Variants in ATP1B3 observed in about 807,000 individuals in gnomAD.
ATP1B3 encodes the protein sodium/potassium-transporting ATPase subunit beta-3.
A neutral mutation model predicts 30.2 loss-of-function variants in ATP1B3; 10 were observed. That is an observed-to-expected ratio of 0.33 (90% CI 0.20 to 0.56). ATP1B3 has a LOEUF of 0.56. Among genes scored for constraint, ATP1B3 ranks in the 20% least tolerant of loss-of-function variants. The pLI is 0.90. For synonymous variants in ATP1B3, 113 were observed against 117.0 expected (o/e 0.97, Z 0.22); for missense variants, 238 against 336.7 (o/e 0.71, Z 2.29).
At chr3:141,900,374 AAC>A (rs894114824) in intron 1 of ATP1B3, among the ~76,000 whole-genome samples, 1 of 152,144 alleles carries the variant, frequency 6.6e-6, no homozygotes, top group Non-Finnish European at 1.5e-5. Context: ...CAGGTTAGGA[AAC>A]ACATGTGCTG....
chr3:141,900,763 T>C (rs1047497674), intron 1 of ATP1B3, among the ~76,000 whole-genome samples: 1 of 152,028 alleles, frequency 6.6e-6, no homozygotes, highest in Admixed American at 6.6e-5. Flanking sequence ...TTGCCAGGTT[T>C]CTTGCCTGTC....
chr3:141,889,198 C>T (rs111485595), intron 1 of ATP1B3, among the ~76,000 whole-genome samples: 3,370 of 152,176 alleles, frequency 0.022, 134 homozygotes, highest in African/African-American at 0.077. Context: ...CACCAGGCCC[C>T]TCCCCCAGCA....
chr3:141,914,377 G>C (rs559671271), intron 4 of ATP1B3, among the ~76,000 whole-genome samples: 1 of 152,170 alleles, frequency 6.6e-6, no homozygotes, highest in Admixed American at 6.5e-5. Context: ...TGTATCCAAA[G>C]TAGCAGCATT....
intron 5 of ATP1B3, among the ~76,000 whole-genome samples, chr3:141,917,368 G>A (rs1455433784): frequency 6.6e-6 from 1 of 152,026 alleles, no homozygotes; most frequent in Non-Finnish European, 1.5e-5. Context: ...TTACCTCCTT[G>A]TGCCACAGAC....
At chr3:141,887,244 C>T (rs1362796957) in intron 1 of ATP1B3, among the ~76,000 whole-genome samples, 3 of 152,098 alleles carry the variant, frequency 2.0e-5, no homozygotes, top group South Asian at 2.1e-4. Context: ...TAGCAGCAGC[C>T]GTGGTTTGCT....
At chr3:141,903,213 C>A (rs6440048) in intron 1 of ATP1B3, among the ~76,000 whole-genome samples, 34,895 of 152,096 alleles carry the variant, frequency 0.23, 4,177 homozygotes, top group African/African-American at 0.26. Context: ...TGTACTAATT[C>A]TTTTATATTC....
chr3:141,913,949 A>G lies in ATP1B3; in HGVS notation c.531+113A>G, dbSNP rs1173579292. The G allele has an allele frequency of 3.9e-6, 4 of 1,017,584 alleles. No individual in the cohort carries two copies. In the South Asian group the frequency reaches 6.0e-5, roughly 15 times the overall value. 63.0% of individuals were successfully genotyped at this position (1,017,584 alleles called of 1,614,324 possible). A position where few individuals can be genotyped will look rare whatever the true frequency, so the allele number is the denominator to read the frequency against. ...AATGCCTTCCTTATTAAAAGTTATC[A>G]TTTGGGGGGTAGCTTGCTTTAAAGA... On this transcript the variant is annotated intron_variant, in intron 4 of 6. Transcript: ENST00000286371.
intron 1 of ATP1B3, among the ~76,000 whole-genome samples, chr3:141,902,650 A>C (rs1459434756): frequency 6.6e-6 from 1 of 152,232 alleles, no homozygotes; most frequent in Non-Finnish European, 1.5e-5. Context: ...TAGTGTTCCC[A>C]AATTGTGAAA....
intron 1 of ATP1B3, among the ~76,000 whole-genome samples, chr3:141,889,742 A>ATATAT (rs1222370871): frequency 9.7e-6 from 1 of 103,494 alleles, no homozygotes; most frequent in Non-Finnish European, 2.0e-5. Flanking sequence ...AAAAAAAAAA[A>ATATAT]AAAAAAAAAT....
At chr3:141,904,639 C>T (rs1934230041) in intron 2 of ATP1B3, among the ~76,000 whole-genome samples, 1 of 149,834 alleles carries the variant, frequency 6.7e-6, no homozygotes, top group African/African-American at 2.4e-5. Flanking sequence ...AGAATGTATG[C>T]AGTAAAAAAC....
intron 1 of ATP1B3, among the ~76,000 whole-genome samples, chr3:141,900,040 AT>A (rs971607244): frequency 9.3e-5 from 14 of 150,266 alleles, no homozygotes; most frequent in Non-Finnish European, 1.5e-4. Flanking sequence ...CAAAAAAAAA[AT>A]TTTTTTTTTG....
intron 1 of ATP1B3, among the ~76,000 whole-genome samples, chr3:141,892,533 C>T (rs1375493581): frequency 6.6e-6 from 1 of 151,408 alleles, no homozygotes; most frequent in Non-Finnish European, 1.5e-5. Context: ...TGACACACGC[C>T]TGTAATCCCA....
At chr3:141,913,424 A>G (rs570765581) in intron 3 of ATP1B3, among the ~76,000 whole-genome samples, 12 of 152,274 alleles carry the variant, frequency 7.9e-5, no homozygotes, top group African/African-American at 2.6e-4. Flanking sequence ...GACAGAAGAG[A>G]TGGATCTATA....
chr3:141,895,269 A>G lies in ATP1B3; in HGVS notation c.110-8351A>G, dbSNP rs374401765. On this transcript the variant is annotated intron_variant, in intron 1 of 6. Transcript: ENST00000286371. ...AGTGGCGTGATCTCAGCTCGCTGCA[A>G]CCTCTGCCTCCCGTGTTCAAGCAAT... Among the ~76,000 whole-genome samples, 5 of 138,672 alleles carry G rather than the reference A, an allele frequency of 3.6e-5. No homozygotes were observed. In the East Asian group the frequency reaches 8.3e-4, roughly 23 times the overall value. The allele number at this position is 138,672 out of a possible 152,430, so 91.0% of individuals were successfully genotyped here.
intron 1 of ATP1B3, among the ~76,000 whole-genome samples, chr3:141,899,312 T>C (rs1266007238): frequency 2.0e-5 from 3 of 152,214 alleles, no homozygotes; most frequent in Non-Finnish European, 4.4e-5. Flanking sequence ...TTAGAAATTA[T>C]ACATGTCTCT....
chr3:141,876,887 T>C lies in ATP1B3; in HGVS notation c.86T>C (p.Leu29Pro). 1.3e-6 allele frequency: 2 copies of C among 1,579,622 alleles called. No individual in the cohort carries two copies. Among genetic ancestry groups the C allele is most frequent in the Non-Finnish European group, 8.6e-7 (1 of 1,163,422 alleles). The change falls in exon 1 of 7, where the codon CTG (leucine) becomes CCG (proline). Residue 29 changes from leucine to proline, a missense_variant. Physicochemically the swap from Leu to Pro is moderately conservative, Grantham distance 98. Transcript: ENST00000286371. ...FIYNPTTGEF[L>P]GRTAKSWGLI... The stretch of plus-strand genomic sequence containing the variant: ...TACAACCCGACCACCGGAGAATTCC[T>C]GGGGCGCACCGCCAAGAGCTGGGGT...
intron 1 of ATP1B3, among the ~76,000 whole-genome samples, 186 bp from the exon 2 acceptor site, chr3:141,903,434 T>C (rs1934203228): frequency 6.6e-6 from 1 of 152,124 alleles, no homozygotes; most frequent in Non-Finnish European, 1.5e-5. Flanking sequence ...GTGGGTGCTG[T>C]CTGCTGAAAT....
chr3:141,925,210 T>C (rs765796920), intron 6 of ATP1B3, among the ~76,000 whole-genome samples: 32 of 152,166 alleles, frequency 2.1e-4, no homozygotes, highest in Non-Finnish European at 4.4e-4. Context: ...CTCACACCTG[T>C]AATCCCAGCA....
At chr3:141,902,402 T>G (rs1324722561) in intron 1 of ATP1B3, among the ~76,000 whole-genome samples, 1 of 152,142 alleles carries the variant, frequency 6.6e-6, no homozygotes, top group Non-Finnish European at 1.5e-5. Context: ...CTTTTGAGAA[T>G]CAGAAGAAAG....
Sources: allele counts gnomAD v4.1 joint callset (sites outside exome capture counted in the v4.1 genomes callset), GRCh38; gene constraint gnomAD v4.1.1; transcripts MANE v1.5; gene names NCBI Gene and HGNC (gene_info 2026-07-23, HGNC 2026-07-21).